DCC: variants seen among roughly 807,000 people sequenced by gnomAD.
The protein encoded by DCC is netrin receptor DCC.
In DCC, 58 loss-of-function variants were observed where a neutral mutation model predicts 172.5. The observed-to-expected ratio is 0.34, with a 90% CI of 0.27 to 0.42. The LOEUF (loss-of-function observed/expected upper bound fraction) is 0.42. DCC is among the 10% of genes least tolerant of loss of function. DCC has a pLI of 1.00. For synonymous variants in DCC, 709 were observed against 644.5 expected (o/e 1.10, Z -1.52); for missense variants, 1,740 against 1,791.0 (o/e 0.97, Z 0.51).
intron 1 of DCC, among the ~76,000 whole-genome samples, chr18:52,352,408 G>T (rs897870656): frequency 6.6e-6 from 1 of 152,138 alleles, no homozygotes; most frequent in Non-Finnish European, 1.5e-5. Flanking sequence ...AGTGGACCCT[G>T]GTCCCATGCC....
chr18:52,508,800 C>T (rs765133548), intron 1 of DCC, among the ~76,000 whole-genome samples: 28 of 152,126 alleles, frequency 1.8e-4, no homozygotes, highest in Non-Finnish European at 3.4e-4. Flanking sequence ...AGAGATGTAA[C>T]AAGGCAGTGT....
intron 5 of DCC, among the ~76,000 whole-genome samples, chr18:53,006,794 G>A (rs767844448): frequency 4.6e-5 from 7 of 152,274 alleles, no homozygotes; most frequent in Non-Finnish European, 8.8e-5. Context: ...TGTAAGTTCC[G>A]CTGAGTAGAG....
intron 5 of DCC, among the ~76,000 whole-genome samples, chr18:53,038,870 G>T (rs919979723): frequency 5.3e-5 from 8 of 151,720 alleles, no homozygotes; most frequent in African/African-American, 1.9e-4. Context: ...GTGAAGCCAG[G>T]ACTATTCCTT....
chr18:52,759,598 C>T (rs2037127678), intron 2 of DCC, among the ~76,000 whole-genome samples: 1 of 152,104 alleles, frequency 6.6e-6, no homozygotes, highest in Non-Finnish European at 1.5e-5. Flanking sequence ...ACATCTAACA[C>T]AACTCAGTAA....
At chr18:53,369,227 C>T (rs1228836361) in intron 15 of DCC, among the ~76,000 whole-genome samples, 1 of 151,540 alleles carries the variant, frequency 6.6e-6, no homozygotes, top group Non-Finnish European at 1.5e-5. Context: ...ATTTCTTTTT[C>T]AGATTGTTCA....
At chr18:52,917,116 CAAAA>C (rs36010390) in intron 3 of DCC, among the ~76,000 whole-genome samples, 1 of 82,426 alleles carries the variant, frequency 1.2e-5, no homozygotes, top group African/African-American at 5.0e-5. Flanking sequence ...AACCCCGTCT[CAAAA>C]AAAAAAAAAA....
intron 11 of DCC, among the ~76,000 whole-genome samples, chr18:53,209,024 C>T (rs2055705078): frequency 6.6e-6 from 1 of 152,202 alleles, no homozygotes; most frequent in Admixed American, 6.5e-5. Flanking sequence ...AGCCACTGCA[C>T]CCAGCCTCAA....
chr18:53,261,210 C>T (rs1042627206), intron 12 of DCC, among the ~76,000 whole-genome samples: 6 of 152,164 alleles, frequency 3.9e-5, no homozygotes, highest in African/African-American at 7.2e-5. Flanking sequence ...ACCCACTGTC[C>T]TGCACCCACT....
chr18:52,664,091 T>C (rs1254167324), intron 1 of DCC, among the ~76,000 whole-genome samples: 2 of 152,260 alleles, frequency 1.3e-5, no homozygotes, highest in African/African-American at 2.4e-5. Flanking sequence ...ATAGTTGCTT[T>C]ATCATTATGG....
chr18:53,342,880 T>TATTACTAAATATATATACA (rs1568068827), intron 15 of DCC, among the ~76,000 whole-genome samples: 1 of 148,014 alleles, frequency 6.8e-6, no homozygotes. Context: ...TATATTTGAA[T>TATTACTAAATATATATACA]TATTTTAAAT....
At chr18:52,821,771 A>C (rs1255561498) in intron 2 of DCC, among the ~76,000 whole-genome samples, 1 of 152,244 alleles carries the variant, frequency 6.6e-6, no homozygotes, top group Non-Finnish European at 1.5e-5. Context: ...CTAAAACGTA[A>C]GAGCAAGTTC....
intron 28 of DCC, among the ~76,000 whole-genome samples, chr18:53,530,129 T>C (rs1277641516): frequency 1.3e-5 from 2 of 152,186 alleles, no homozygotes; most frequent in Non-Finnish European, 2.9e-5. Context: ...AGCTAATGTA[T>C]TGAATATCTA....
At chr18:52,527,339 C>A (rs1296526701) in intron 1 of DCC, among the ~76,000 whole-genome samples, 1 of 152,146 alleles carries the variant, frequency 6.6e-6, no homozygotes, top group African/African-American at 2.4e-5. Context: ...AGATGTTATG[C>A]ATTAATACAT....
At chr18:53,215,426 A>G in intron 11 of DCC, 122 bp from the exon 12 acceptor site, 3 of 826,546 alleles carry the variant, frequency 3.6e-6, no homozygotes, top group Non-Finnish European at 6.3e-6. Flanking sequence ...TACCTGGGTT[A>G]ACCTACCTAA....
At chr18:53,462,927 T>C (rs1193837589) in intron 24 of DCC, among the ~76,000 whole-genome samples, 1 of 152,264 alleles carries the variant, frequency 6.6e-6, no homozygotes, top group African/African-American at 2.4e-5. Flanking sequence ...GAGCTTGCAC[T>C]CTACCACTGG....
At chr18:52,986,807 T>G (rs2041301565) in intron 5 of DCC, among the ~76,000 whole-genome samples, 1 of 143,864 alleles carries the variant, frequency 7.0e-6, no homozygotes, top group Admixed American at 6.8e-5. Context: ...ACACGTGTAG[T>G]ATATATATAC....
At chr18:52,800,746 T>A (rs1023277544) in intron 2 of DCC, among the ~76,000 whole-genome samples, 2 of 152,182 alleles carry the variant, frequency 1.3e-5, no homozygotes, top group Non-Finnish European at 2.9e-5. Flanking sequence ...GGCTGCAGAG[T>A]ATAGTAGAGT....
At chr18:52,896,367 C>T (rs367795158) in intron 2 of DCC, among the ~76,000 whole-genome samples, 2 of 152,266 alleles carry the variant, frequency 1.3e-5, no homozygotes, top group East Asian at 1.9e-4. Flanking sequence ...CTGCATTTGG[C>T]TTAATGCATA....
chr18:52,799,495 C>A (rs958701416), intron 2 of DCC, among the ~76,000 whole-genome samples: 13 of 152,142 alleles, frequency 8.5e-5, no homozygotes, highest in African/African-American at 3.1e-4. Flanking sequence ...TACAATTGGG[C>A]AAAATCAAAA....
Sources: allele counts gnomAD v4.1 joint callset (sites outside exome capture counted in the v4.1 genomes callset), GRCh38; gene constraint gnomAD v4.1.1; transcripts MANE v1.5; gene names NCBI Gene and HGNC (gene_info 2026-07-23, HGNC 2026-07-21).